The following RABGAP1L variants were observed in gnomAD, a reference collection of about 807,000 sequenced individuals.
RABGAP1L encodes the protein RAB GTPase activating protein 1 like, also known as rab GTPase-activating protein 1-like.
RABGAP1L carries 63 observed loss-of-function variants against 137.7 expected under a neutral mutation model. The ratio of observed to expected loss-of-function variants is 0.46; its 90% CI spans 0.37 to 0.56. RABGAP1L has a LOEUF of 0.56. Among genes scored for constraint, RABGAP1L ranks in the 20% least tolerant of loss-of-function variants. RABGAP1L has a pLI of 0.00. For missense variants in RABGAP1L, 1,095 were observed against 1,244.0 expected, an observed-to-expected ratio of 0.88 and a Z score of 1.80; for synonymous variants, 431 against 433.7, an observed-to-expected ratio of 0.99 and a Z score of 0.08.
chr1:174,371,329 A>G (rs1349315997), intron 12 of RABGAP1L, among the ~76,000 whole-genome samples: 1 of 151,936 alleles, frequency 6.6e-6, no homozygotes, highest in Non-Finnish European at 1.5e-5. Context: ...TTTCACTCAG[A>G]CCGTATTATT....
intron 19 of RABGAP1L, among the ~76,000 whole-genome samples, chr1:174,854,794 G>A (rs946173003): frequency 6.0e-5 from 7 of 116,482 alleles, no homozygotes; most frequent in African/African-American, 2.0e-4. Flanking sequence ...CCAGGCTGGA[G>A]CGCAGTGATC....
At chr1:174,319,553 T>C (rs560898352) in intron 11 of RABGAP1L, among the ~76,000 whole-genome samples, 1 of 152,326 alleles carries the variant, frequency 6.6e-6, no homozygotes, top group African/African-American at 2.4e-5. Flanking sequence ...AAGTGTCTTA[T>C]TGCATTTACT....
intron 13 of RABGAP1L, among the ~76,000 whole-genome samples, chr1:174,474,279 C>G (rs1230981315): frequency 2.6e-5 from 4 of 152,122 alleles, no homozygotes; most frequent in Non-Finnish European, 5.9e-5. Flanking sequence ...TTGTTTATTT[C>G]TTCAACTACA....
intron 13 of RABGAP1L, among the ~76,000 whole-genome samples, chr1:174,543,254 C>T (rs1437671451): frequency 6.6e-6 from 1 of 152,154 alleles, no homozygotes; most frequent in Admixed American, 6.5e-5. Context: ...TCACTCAGGA[C>T]TTGCTTTATG....
Position 174,219,194 on chromosome 1 carries a change from T to G in RABGAP1L, c.37T>G (p.Ser13Ala), listed in dbSNP as rs764005310. 2.7e-5 allele frequency: 43 copies of G among 1,604,650 alleles called. No individual in the cohort carries two copies. Among genetic ancestry groups the G allele is most frequent in the Admixed American group, 1.0e-4 (6 of 59,326 alleles). ...VRASLQKVSG[S>A]SDSVATMNSE... The stretch of plus-strand genomic sequence containing the variant: ...AGCTTCATTACAGAAGGTTAGTGGA[T>G]CATCTGATTCTGTGGCTACAATGAA... Residue 13 changes from serine (S) to alanine (A), a missense_variant, in exon 2 of 26, where the codon TCA becomes GCA. This residue lies in a region of RABGAP1L where 356 missense variants were observed against 326.3 expected (regional missense o/e 1.09). Transcript: ENST00000681986.
intron 19 of RABGAP1L, among the ~76,000 whole-genome samples, chr1:174,889,807 G>A (rs184223655): frequency 8.7e-4 from 133 of 152,210 alleles, no homozygotes; most frequent in African/African-American, 2.8e-3. Context: ...ACGGCTCACT[G>A]CGGCCTCAAA....
intron 13 of RABGAP1L, among the ~76,000 whole-genome samples, chr1:174,597,232 A>G (rs1288829730): frequency 2.0e-5 from 3 of 152,168 alleles, no homozygotes; most frequent in Admixed American, 1.3e-4. Flanking sequence ...CTGCCCTCAT[A>G]GAATGAGTTT....
At chr1:174,669,857 TC>T (rs1357757366) in intron 14 of RABGAP1L, among the ~76,000 whole-genome samples, 1 of 152,180 alleles carries the variant, frequency 6.6e-6, no homozygotes, top group East Asian at 1.9e-4. Context: ...TTTATGCCAA[TC>T]CCATGCTGTT....
chr1:174,590,339 TTTTTTTTTATTTA>T (rs1440256341), intron 13 of RABGAP1L, among the ~76,000 whole-genome samples: 97 of 135,142 alleles, frequency 7.2e-4, no homozygotes, highest in Non-Finnish European at 9.1e-4. Context: ...TTTTTTTCTT[TTTTTTTTTATTTA>T]TTTTTTTTTT....
At chr1:174,988,975 A>G (rs1671842033) in intron 25 of RABGAP1L, 137 bp downstream of exon 25, 2 of 607,186 alleles carry the variant, frequency 3.3e-6, no homozygotes, top group South Asian at 1.2e-4. Context: ...TGTCCTGCAT[A>G]ATCACATTTT....
chr1:174,587,383 T>G (rs541938009), intron 13 of RABGAP1L, among the ~76,000 whole-genome samples: 9 of 151,802 alleles, frequency 5.9e-5, no homozygotes, highest in African/African-American at 2.2e-4. Flanking sequence ...GCATGGCACA[T>G]GTATACATAT....
chr1:174,674,703 A>G (rs1282371193), intron 14 of RABGAP1L, among the ~76,000 whole-genome samples: 25 of 151,562 alleles, frequency 1.6e-4, no homozygotes, highest in East Asian at 3.9e-4. Flanking sequence ...CAGTCCCACC[A>G]ACAGTGTAAA....
intron 11 of RABGAP1L, among the ~76,000 whole-genome samples, chr1:174,356,264 G>A (rs1027258544): frequency 2.0e-5 from 3 of 151,870 alleles, no homozygotes; most frequent in Non-Finnish European, 2.9e-5. Context: ...ACCTATTGTT[G>A]CCTATATTAT....
chr1:174,183,866 G>T (rs1666583259), intron 1 of RABGAP1L, among the ~76,000 whole-genome samples: 3 of 127,572 alleles, frequency 2.4e-5, no homozygotes, highest in Admixed American at 8.1e-5. Context: ...TTTCAGATTG[G>T]CTTTTTTTTT....
intron 1 of RABGAP1L, among the ~76,000 whole-genome samples, chr1:174,184,860 CTT>C (rs780416520): frequency 7.2e-5 from 11 of 152,206 alleles, no homozygotes; most frequent in Non-Finnish European, 1.5e-4. Context: ...AGACTAGTCT[CTT>C]TATTTATTTC....
At chr1:174,682,706 C>G (rs332768) in intron 14 of RABGAP1L, among the ~76,000 whole-genome samples, 56,254 of 152,094 alleles carry the variant, frequency 0.37, 13,658 homozygotes, top group African/African-American at 0.69. Context: ...TACACTAAGC[C>G]TATGGCCTTA....
At chr1:174,295,562 T>C (rs746736225) in intron 10 of RABGAP1L, among the ~76,000 whole-genome samples, 1 of 152,008 alleles carries the variant, frequency 6.6e-6, no homozygotes, top group Non-Finnish European at 1.5e-5. Flanking sequence ...TTTTTTGTAT[T>C]TTTAGTAGAG....
At chr1:174,941,075 C>T (rs1665783947) in intron 19 of RABGAP1L, among the ~76,000 whole-genome samples, 1 of 152,052 alleles carries the variant, frequency 6.6e-6, no homozygotes, top group Non-Finnish European at 1.5e-5. Context: ...TTTGTAGCTC[C>T]ATGCCTTTGC....
chr1:174,847,217 G>T (rs1247577401), intron 19 of RABGAP1L, among the ~76,000 whole-genome samples: 1 of 151,406 alleles, frequency 6.6e-6, no homozygotes, highest in Non-Finnish European at 1.5e-5. Flanking sequence ...GGAGAATTGA[G>T]TCCATTTACA....
Sources: allele counts gnomAD v4.1 joint callset (sites outside exome capture counted in the v4.1 genomes callset), GRCh38; gene constraint gnomAD v4.1.1; regional missense constraint gnomAD v4.1.1; transcripts MANE v1.5; gene names NCBI Gene and HGNC (gene_info 2026-07-23, HGNC 2026-07-21).